Variants in PLXNA2 observed in about 807,000 individuals in gnomAD.
PLXNA2 encodes the protein plexin-A2.
A neutral mutation model predicts 193.5 loss-of-function variants in PLXNA2; 91 were observed. The ratio of observed to expected loss-of-function variants is 0.47; its 90% CI spans 0.40 to 0.56. PLXNA2 has a LOEUF of 0.56. PLXNA2 is among the 20% of genes least tolerant of loss of function. The pLI is 0.00. For synonymous variants in PLXNA2, 997 were observed against 1,027.3 expected (o/e 0.97, Z 0.56); for missense variants, 1,995 against 2,503.2 (o/e 0.80, Z 4.33).
At chr1:208,051,520 G>T in intron 15 of PLXNA2, 97 bp from the exon 16 acceptor site, 2 of 900,592 alleles carry the variant, frequency 2.2e-6, no homozygotes, top group South Asian at 1.6e-5. Context: ...TGCGGGTAAG[G>T]CCACAGAAGT....
At chr1:208,061,131 A>C (rs143107981) in intron 12 of PLXNA2, among the ~76,000 whole-genome samples, 1 of 152,330 alleles carries the variant, frequency 6.6e-6, no homozygotes, top group African/African-American at 2.4e-5. Context: ...ATGGTTTGAG[A>C]CATGTCTCTA....
intron 4 of PLXNA2, among the ~76,000 whole-genome samples, chr1:208,117,610 C>T (rs774974698): frequency 2.6e-5 from 4 of 152,146 alleles, no homozygotes; most frequent in Non-Finnish European, 5.9e-5. Flanking sequence ...ACAGCTGCAG[C>T]CATGGAATGG....
At chr1:208,031,100 GAAC>G in intron 29 of PLXNA2, 1 of 996,212 alleles carries the variant, frequency 1.0e-6, no homozygotes, top group South Asian at 4.4e-5. Flanking sequence ...TAGCAGGTGT[GAAC>G]TCCCTCTCCG....
In PLXNA2 at chr1:208,032,102, C is replaced by T. The variant is rs139944520; in HGVS notation, c.5056-343G>A. On this transcript the variant is annotated intron_variant, in intron 28 of 31. Coordinates refer to ENST00000367033, the MANE Select transcript of PLXNA2 (RefSeq NM_025179.4). ...AGGGGGCACAGGCTGCAAGCCAGTC[C>T]GGAAACAGTGTCCGAGGAACAAGCT... The T allele has an allele frequency of 3.6e-4, 354 of 985,370 alleles. 1 individual carries two copies. The Middle Eastern group carries it at 8.4e-3, about 23-fold the overall frequency. 61.0% of individuals were successfully genotyped at this position (985,370 alleles called of 1,614,324 possible).
chr1:208,150,146 A>G (rs1407930700), intron 3 of PLXNA2, among the ~76,000 whole-genome samples: 6 of 152,112 alleles, frequency 3.9e-5, no homozygotes, highest in Non-Finnish European at 7.4e-5. Context: ...AAGGGGAAGG[A>G]GGTTGTTAAG....
Position 208,027,269 on chromosome 1 carries a change from T to C in PLXNA2, c.5659A>G (p.Ile1887Val). 6.2e-7 allele frequency: 1 copy of C among 1,613,814 alleles called. No individual in the cohort carries two copies. The highest frequency in any genetic ancestry group is 8.5e-7 in the Non-Finnish European group (1 of 1,179,972). Residue 1887 changes from isoleucine to valine, a missense_variant, in exon 32 of 32, where the codon ATT becomes GTT. Coordinates refer to ENST00000367033, the MANE Select transcript of PLXNA2 (RefSeq NM_025179.4). ...QRLAYKVEQL[I>V]NAMSIES The stretch of plus-strand genomic sequence containing the variant: ...CAGCTCTCAATGGACATGGCATTAA[T>C]GAGCTGCTCCACCTTATAAGCCAGC...
At chr1:208,170,925 A>G (rs150111786) in intron 3 of PLXNA2, among the ~76,000 whole-genome samples, 1 of 152,356 alleles carries the variant, frequency 6.6e-6, no homozygotes, top group East Asian at 1.9e-4. Flanking sequence ...AAGAAAAATA[A>G]CAAGAAGTAA....
In PLXNA2 at chr1:208,051,387, T is replaced by C. The variant is rs779697531; in HGVS notation, c.3030A>G (p.Pro1010=). 1 of 1,612,736 alleles carries C rather than the reference T, an allele frequency of 6.2e-7. No homozygotes were observed. Among genetic ancestry groups the C allele is most frequent in the East Asian group, 2.2e-5 (1 of 44,848 alleles). The change falls in exon 16 of 32, where the codon CCA becomes CCG. Residue 1010 remains proline (P), a synonymous_variant. Transcript: ENST00000367033. The part of the protein sequence containing the change: ...SMSEIVCVSP[P]SSNGLGPVPV... Reference sequence around the variant, plus strand: ...GGACCGGGCCAAGGCCATTGGATGATGGGGGTGAGACACACACGATCTCAC... The same window carrying C: ...GGACCGGGCCAAGGCCATTGGATGACGGGGGTGAGACACACACGATCTCAC...
At chr1:208,131,728 G>T (rs1204067766) in intron 4 of PLXNA2, among the ~76,000 whole-genome samples, 1 of 152,188 alleles carries the variant, frequency 6.6e-6, no homozygotes, top group Non-Finnish European at 1.5e-5. Context: ...TTCTGCAGCT[G>T]CCCTCCTTGA....
chr1:208,142,884 T>G (rs991650743), intron 3 of PLXNA2, among the ~76,000 whole-genome samples: 15 of 152,202 alleles, frequency 9.9e-5, no homozygotes, highest in African/African-American at 3.4e-4. Flanking sequence ...CAGACAAGTA[T>G]GAAGGAATGG....
Position 208,178,676 on chromosome 1 carries a change from C to T in PLXNA2, c.1371+31604G>A, listed in dbSNP as rs112906753. ...GGTATCGAATGAGGGACAATGTAAACACCTGTATCCAGGAGGATGCGAGGA... is the reference window on the plus strand; with the variant it reads ...GGTATCGAATGAGGGACAATGTAAATACCTGTATCCAGGAGGATGCGAGGA... On this transcript the variant is annotated intron_variant, in intron 3 of 31. Transcript: ENST00000367033. 1.4e-4 allele frequency among the ~76,000 whole-genome samples: 22 copies of T among 152,312 alleles called. 3 individuals are homozygous for T. Among genetic ancestry groups the T allele is most frequent in the African/African-American group, 5.3e-4 (22 of 41,562 alleles).
chr1:208,049,971 C>T (rs1241968129), intron 17 of PLXNA2, among the ~76,000 whole-genome samples: 2 of 152,128 alleles, frequency 1.3e-5, no homozygotes, highest in Admixed American at 6.5e-5. Flanking sequence ...AATATAATTA[C>T]AAATACAATC....
chr1:208,118,236 A>G (rs1667698582), intron 4 of PLXNA2, among the ~76,000 whole-genome samples: 1 of 152,226 alleles, frequency 6.6e-6, no homozygotes, highest in South Asian at 2.1e-4. Context: ...TTAAAAAAAG[A>G]AAACTGTGGA....
At chr1:208,103,387 A>T in intron 4 of PLXNA2, 140 bp from the exon 5 acceptor site, 3 of 620,038 alleles carry the variant, frequency 4.8e-6, no homozygotes, top group Admixed American at 3.0e-5. Context: ...TCATGGCCTC[A>T]ATGTCCCCAA....
intron 1 of PLXNA2, among the ~76,000 whole-genome samples, chr1:208,240,531 CT>C (rs1226606029): frequency 6.6e-6 from 1 of 152,070 alleles, no homozygotes; most frequent in Non-Finnish European, 1.5e-5. Context: ...ATTGTTTGAA[CT>C]GAGCATATGT....
intron 22 of PLXNA2, among the ~76,000 whole-genome samples, chr1:208,041,694 C>T (rs886173892): frequency 3.9e-5 from 6 of 152,176 alleles, no homozygotes; most frequent in Admixed American, 6.5e-5. Context: ...GGCTAGGGGC[C>T]GCTGTGCCGG....
chr1:208,110,778 G>T (rs894705737), intron 4 of PLXNA2, among the ~76,000 whole-genome samples: 5 of 152,172 alleles, frequency 3.3e-5, no homozygotes, highest in African/African-American at 1.2e-4. Flanking sequence ...CAGAGGCAAG[G>T]ACTGCAGAGG....
chr1:208,204,718 C>T (rs2498036), intron 3 of PLXNA2, among the ~76,000 whole-genome samples: 132,676 of 152,174 alleles, frequency 0.87, 59,303 homozygotes, highest in Non-Finnish European at 0.98. Context: ...GTGGGGATGG[C>T]GTGATGAATG....
chr1:208,236,959 C>T lies in PLXNA2; in HGVS notation c.-81+6684G>A, dbSNP rs183383907. 4.6e-5 allele frequency among the ~76,000 whole-genome samples: 7 copies of T among 152,352 alleles called. No homozygotes were observed. The highest frequency in any genetic ancestry group is 3.4e-3 in the Middle Eastern group (1 of 294). Reference sequence around the variant, plus strand: ...TTCCCTGACAGCATCACTGATGTGGCTCCCCCAGCCTCAGACGAGGTGCAG... The same window carrying T: ...TTCCCTGACAGCATCACTGATGTGGTTCCCCCAGCCTCAGACGAGGTGCAG... On this transcript the variant is annotated intron_variant, in intron 1 of 31. Transcript: ENST00000367033. This position sits in a 1 kb window ranked among gnomAD's most constrained non-coding sequence, Gnocchi z 4.4.
Sources: gnomAD v4.1 joint callset for allele counts (sites outside exome capture counted in the v4.1 genomes callset) on GRCh38, gnomAD v4.1.1 for gene constraint, Gnocchi (gnomAD v3.1) non-coding constraint, MANE v1.5 for transcripts, NCBI Gene and HGNC (gene_info 2026-07-23, HGNC 2026-07-21) for gene names.